Variants in DNAH2 observed in about 807,000 individuals in gnomAD.
DNAH2 encodes the protein axonemal beta dynein heavy chain 2.
Under a neutral mutation model 523.5 loss-of-function variants are expected in DNAH2, and 323 were observed. That is an observed-to-expected ratio of 0.62 (90% CI 0.56 to 0.68). DNAH2 has a LOEUF of 0.68. Ranked by LOEUF, DNAH2 falls within the 30% of genes least tolerant of loss-of-function variation. DNAH2 has a pLI of 0.00. For missense variants in DNAH2, 4,907 were observed against 5,701.5 expected, an observed-to-expected ratio of 0.86 and a Z score of 4.49; for synonymous variants, 2,093 against 2,177.4, an observed-to-expected ratio of 0.96 and a Z score of 1.08.
chr17:7,738,111 T>C (rs1232945604), intron 8 of DNAH2: 2 of 703,402 alleles, frequency 2.8e-6, no homozygotes, highest in Non-Finnish European at 5.2e-6. Context: ...GCTGTGCAGA[T>C]GCACATCCAG....
chr17:7,742,812 C>A, intron 11 of DNAH2, 116 bp from the exon 12 acceptor site: 1 of 612,060 alleles, frequency 1.6e-6, no homozygotes. Flanking sequence ...CATAGCAAGC[C>A]TTATGCATAT....
intron 8 of DNAH2, chr17:7,737,943 T>C (rs1416848421): frequency 2.8e-6 from 2 of 702,246 alleles, no homozygotes; most frequent in South Asian, 3.0e-5. Context: ...GGACAGAGGC[T>C]GTGGGGACTC....
chr17:7,735,911 C>A (rs1029647657), intron 7 of DNAH2, among the ~76,000 whole-genome samples: 8 of 152,014 alleles, frequency 5.3e-5, no homozygotes, highest in Admixed American at 4.6e-4. Flanking sequence ...CACCACCATG[C>A]CTGGCTAGTT....
chr17:7,780,186 A>G lies in DNAH2; in HGVS notation c.5752A>G (p.Asn1918Asp), dbSNP rs746989005. ...GYAGRTELPE[N>D]LKSMFRPIAM... ...TGCTGGCCGCACAGAGCTTCCCGAA[A>G]ATCTTAAATCCATGTTCCGCCCAAT... Residue 1918 changes from asparagine to aspartate, a missense_variant, in exon 37 of 86, where the codon AAT becomes GAT. Coordinates refer to ENST00000572933, the MANE Select transcript of DNAH2 (RefSeq NM_020877.5). This position sits in a 1 kb window ranked among gnomAD's most constrained non-coding sequence, Gnocchi z 4.4. The G allele has an allele frequency of 8.1e-6, 13 of 1,613,850 alleles. No homozygotes were observed. In the South Asian group the frequency reaches 1.4e-4, roughly 18 times the overall value.
At chr17:7,727,082 G>A (rs2074837929) in intron 3 of DNAH2, 40 bp from the exon 4 acceptor site, 3 of 1,494,086 alleles carry the variant, frequency 2.0e-6, no homozygotes, top group Non-Finnish European at 2.7e-6. Context: ...ACTCATCCTG[G>A]CAGTTGTAGT....
At chr17:7,719,941 G>T in intron 2 of DNAH2, 41 bp downstream of exon 2, 1 of 1,460,006 alleles carries the variant, frequency 6.8e-7, no homozygotes, top group East Asian at 2.5e-5. Context: ...GCAATGGAGG[G>T]TGGGGAAAGT....
chr17:7,786,356 A>G lies in DNAH2; in HGVS notation c.6348+14A>G, dbSNP rs755389899. 1.4e-5 allele frequency: 23 copies of G among 1,607,696 alleles called. No homozygotes were observed. Among genetic ancestry groups the G allele is most frequent in the Non-Finnish European group, 1.9e-5 (22 of 1,178,778 alleles). ...AACATTGTTAGAGTACGGGGCTGGG[A>G]CAGTGGAGTCAGTGGGCAGAGACTT... On this transcript the variant is annotated intron_variant, in intron 40 of 85. Transcript: ENST00000572933. This position sits in a 1 kb window ranked among gnomAD's most constrained non-coding sequence, Gnocchi z 7.5.
intron 77 of DNAH2, among the ~76,000 whole-genome samples, chr17:7,827,848 G>A (rs537230028): frequency 2.0e-4 from 30 of 152,106 alleles, no homozygotes; most frequent in South Asian, 6.2e-4. Context: ...CTTCAATCAT[G>A]TTTCCATATA....
intron 4 of DNAH2, among the ~76,000 whole-genome samples, chr17:7,732,434 C>CAAAAAA (rs796065817): frequency 2.4e-4 from 13 of 54,504 alleles, no homozygotes; most frequent in Admixed American, 8.0e-4. Context: ...GACTCCATCT[C>CAAAAAA]AAAAAAAAAA....
At chr17:7,775,907 TC>T (rs2076439117) in intron 30 of DNAH2, 116 bp from the exon 31 acceptor site, 4 of 1,382,038 alleles carry the variant, frequency 2.9e-6, no homozygotes, top group Non-Finnish European at 3.9e-6. Flanking sequence ...TGTTGGCCAT[TC>T]CCGCTTTTCT....
chr17:7,788,058 T>C (rs377052903), intron 43 of DNAH2, 28 bp from the exon 44 acceptor site: 6 of 1,613,670 alleles, frequency 3.7e-6, no homozygotes, highest in Non-Finnish European at 5.1e-6. Context: ...CAAGGGTGAA[T>C]GAAGAGCCCC....
At chr17:7,759,184 A>C in intron 15 of DNAH2, 60 bp downstream of exon 15, 1 of 1,602,090 alleles carries the variant, frequency 6.2e-7, no homozygotes. Context: ...CAGTTCCATC[A>C]GGCCATTCTC....
rs766303944 is a variant in DNAH2 at position 7,759,863 on chromosome 17, ATC to A, written c.2714_2715del (p.Ser905CysfsTer7). 9 of 1,613,998 alleles carry A rather than the reference ATC, an allele frequency of 5.6e-6. No homozygotes were observed. The highest frequency in any genetic ancestry group is 2.2e-5 in the East Asian group (1 of 44,894). Reference sequence around the variant, plus strand: ...CATTGGCAACCACCTCTTTTCCACCATCTCTGTCTTCTGCCACCTCCCTGACA... The same window carrying A: ...CATTGGCAACCACCTCTTTTCCACCATCTGTCTTCTGCCACCTCCCTGACA... ...NDIGNHLFST[I>X]SVFCHLPDIL... is the part of the protein sequence containing the mutation. On this transcript the variant is annotated frameshift_variant, in exon 17 of 86. Transcript: ENST00000572933. LOFTEE classifies it high-confidence loss of function.
At chr17:7,773,398 T>C (rs2076368900) in intron 28 of DNAH2, among the ~76,000 whole-genome samples, 1 of 152,158 alleles carries the variant, frequency 6.6e-6, no homozygotes, top group Admixed American at 6.5e-5. Flanking sequence ...AGCCCTTCTT[T>C]TCTTTTTTGC....
intron 73 of DNAH2, among the ~76,000 whole-genome samples, chr17:7,823,153 G>A (rs1359007743): frequency 1.3e-5 from 2 of 152,050 alleles, no homozygotes; most frequent in African/African-American, 4.8e-5. Flanking sequence ...AATTAGCCAG[G>A]TGTGGTGGCG....
At chr17:7,768,292 G>T (rs1281136312) in intron 24 of DNAH2, 25 bp downstream of exon 24, 2 of 1,613,318 alleles carry the variant, frequency 1.2e-6, no homozygotes, top group Non-Finnish European at 1.7e-6. Context: ...CTGCTCCGGG[G>T]TGTCCACTCT....
chr17:7,797,359 C>T lies in DNAH2; in HGVS notation c.7950-41C>T, dbSNP rs772274971. ...GACACTGCCTTCCCCAGGCCATTCT[C>T]CTCTTTATTCCCCGATCTCACCCCA... is the stretch of plus-strand genomic sequence containing the variant. On this transcript the variant is annotated intron_variant, in intron 51 of 85. Transcript: ENST00000572933. The T allele has an allele frequency of 1.9e-6, 3 of 1,613,892 alleles. No homozygotes were observed. The Admixed American group carries it at 5.0e-5, about 27-fold the overall frequency.
Position 7,759,455 on chromosome 17 carries a change from C to T in DNAH2, c.2482C>T (p.Leu828=), listed in dbSNP as rs573067349. Residue 828 remains leucine (L), a synonymous_variant, in exon 16 of 86, where the codon CTG becomes TTG. Transcript: ENST00000572933. ...GCAGTGGATGCTGTACATGATTCGG[C>T]TGGACCGCATGATGGAGGATGCCCT... ...QQQWMLYMIR[L]DRMMEDALRL... is the part of the protein sequence containing the mutation. 5.0e-6 allele frequency: 8 copies of T among 1,613,930 alleles called. No homozygotes were observed. In the African/African-American group the frequency reaches 1.1e-4, roughly 22 times the overall value.
Position 7,823,547 on chromosome 17 carries a change from C to T in DNAH2, c.11248C>T (p.Leu3750Phe). Residue 3750 changes from leucine (L) to phenylalanine (F), a missense_variant, in exon 74 of 86, where the codon CTC becomes TTC. Coordinates refer to ENST00000572933, the MANE Select transcript of DNAH2 (RefSeq NM_020877.5). ...ELDKLTNFHG[L>F]MNSFEQYPRD... ...AGACAAACTGACCAACTTCCACGGA[C>T]TCATGAACTCCTTTGAGCAGTACCC... The T allele has an allele frequency of 1.9e-6, 3 of 1,614,196 alleles. No individual in the cohort carries two copies. Among genetic ancestry groups the T allele is most frequent in the Middle Eastern group, 1.6e-4 (1 of 6,062 alleles).
Sources: gnomAD v4.1 joint callset for allele counts (sites outside exome capture counted in the v4.1 genomes callset) on GRCh38, gnomAD v4.1.1 for gene constraint, Gnocchi (gnomAD v3.1) non-coding constraint, MANE v1.5 for transcripts, NCBI Gene and HGNC (gene_info 2026-07-23, HGNC 2026-07-21) for gene names.